CCDC138: variants seen among roughly 807,000 people sequenced by gnomAD.
CCDC138 encodes the protein coiled-coil domain containing 138.
Under a neutral mutation model 82.3 loss-of-function variants are expected in CCDC138, and 66 were observed. The observed-to-expected ratio is 0.80, with a 90% CI of 0.66 to 0.98. The LOEUF is 0.98. CCDC138 is among the 50% of genes least tolerant of loss of function. CCDC138 has a pLI of 0.00. For synonymous variants in CCDC138, 297 were observed against 265.4 expected, an observed-to-expected ratio of 1.12 and a Z score of -1.16; for missense variants, 816 against 758.9, an observed-to-expected ratio of 1.08 and a Z score of -0.88.
intron 10 of CCDC138, among the ~76,000 whole-genome samples, chr2:108,821,883 G>T (rs1312511736): frequency 1.4e-5 from 2 of 148,074 alleles, no homozygotes; most frequent in Non-Finnish European, 3.0e-5. Context: ...AGGTGAGATT[G>T]TGCCACTGCG....
At chr2:108,833,669 G>A (rs1290746189) in intron 10 of CCDC138, among the ~76,000 whole-genome samples, 2 of 150,832 alleles carry the variant, frequency 1.3e-5, no homozygotes, top group East Asian at 1.9e-4. Context: ...AATAAGAAAC[G>A]AAACAAATTT....
At chr2:108,797,182 A>G (rs1449057388) in intron 5 of CCDC138, among the ~76,000 whole-genome samples, 1 of 152,148 alleles carries the variant, frequency 6.6e-6, no homozygotes, top group Admixed American at 6.6e-5. Flanking sequence ...AATGAGAAGG[A>G]AAATTGCTCC....
intron 10 of CCDC138, among the ~76,000 whole-genome samples, chr2:108,824,920 T>C (rs997942584): frequency 6.6e-6 from 1 of 152,200 alleles, no homozygotes; most frequent in Non-Finnish European, 1.5e-5. Flanking sequence ...ACCGAAATGT[T>C]ATGCAGTGCG....
At chr2:108,793,538 A>G (rs1680299309) in intron 4 of CCDC138, among the ~76,000 whole-genome samples, 1 of 151,988 alleles carries the variant, frequency 6.6e-6, no homozygotes, top group South Asian at 2.1e-4. Context: ...CTGCACATAT[A>G]CCCTATGATC....
intron 1 of CCDC138, among the ~76,000 whole-genome samples, chr2:108,787,502 G>T (rs1270627265): frequency 6.6e-6 from 1 of 152,106 alleles, no homozygotes; most frequent in Non-Finnish European, 1.5e-5. Context: ...AATAACCACA[G>T]TAATATTTTC....
chr2:108,861,723 C>T (rs528375484), intron 13 of CCDC138, among the ~76,000 whole-genome samples: 13 of 152,198 alleles, frequency 8.5e-5, no homozygotes, highest in African/African-American at 2.9e-4. Context: ...TCCAGTGATC[C>T]GCCCACCTCT....
At chr2:108,880,630 T>C (rs964262275), downstream of CCDC138, among the ~76,000 whole-genome samples, 1 of 152,160 alleles carries the variant, frequency 6.6e-6, no homozygotes, top group African/African-American at 2.4e-5. Context: ...TTAAGAATTA[T>C]GCTAAATCTC....
intron 6 of CCDC138, among the ~76,000 whole-genome samples, chr2:108,804,376 T>G (rs1682488306): frequency 6.6e-6 from 1 of 152,202 alleles, no homozygotes; most frequent in Middle Eastern, 3.2e-3. Context: ...AATTTTATTA[T>G]GTATCTAACA....
rs990326286 is a variant in CCDC138, at chr2:108,794,488, T to A, written c.395-52T>A. On this transcript the variant is annotated intron_variant, in intron 4 of 14. Coordinates refer to ENST00000295124, the MANE Select transcript of CCDC138 (RefSeq NM_144978.3). Reference sequence around the variant, plus strand: ...TTCCTAAAGGTTACTCTGAGAATATTTGAAACAATAAGTTAATAAAGTTTA... The same window carrying A: ...TTCCTAAAGGTTACTCTGAGAATATATGAAACAATAAGTTAATAAAGTTTA... 3.3e-6 allele frequency: 5 copies of A among 1,499,218 alleles called. No homozygotes were observed. In the African/African-American group the frequency reaches 7.0e-5, roughly 21 times the overall value. The allele number at this position is 1,499,218 out of a possible 1,614,324, so 92.9% of individuals were successfully genotyped here. A position where few individuals can be genotyped will look rare whatever the true frequency, so the allele number is the denominator to read the frequency against.
chr2:108,808,096 A>G (rs1225925835), intron 7 of CCDC138, among the ~76,000 whole-genome samples: 1 of 152,196 alleles, frequency 6.6e-6, no homozygotes, highest in East Asian at 1.9e-4. Flanking sequence ...ATTTCACTTA[A>G]CATAAGTGTG....
At chr2:108,814,722 G>A (rs1175241594) in intron 9 of CCDC138, among the ~76,000 whole-genome samples, 1 of 148,486 alleles carries the variant, frequency 6.7e-6, no homozygotes, top group Non-Finnish European at 1.5e-5. Context: ...AGGCTGGAGT[G>A]CAGTGGTGCA....
intron 5 of CCDC138, among the ~76,000 whole-genome samples, chr2:108,795,876 A>G (rs79168135): frequency 0.011 from 1,607 of 152,324 alleles, 36 homozygotes; most frequent in African/African-American, 0.036. Context: ...AAGGAATGTC[A>G]GAGTAAAAAG....
intron 7 of CCDC138, among the ~76,000 whole-genome samples, chr2:108,806,863 G>C (rs1682959994): frequency 6.6e-6 from 1 of 152,174 alleles, no homozygotes; most frequent in Admixed American, 6.5e-5. Context: ...AAGGATTAAT[G>C]TTCAAGCTTC....
intron 7 of CCDC138, among the ~76,000 whole-genome samples, chr2:108,807,540 A>T (rs1683070677): frequency 6.6e-6 from 1 of 152,214 alleles, no homozygotes; most frequent in Admixed American, 6.5e-5. Flanking sequence ...ATGTGAAAAT[A>T]TACCATAAAT....
At chr2:108,873,730 A>T in intron 14 of CCDC138, 141 bp downstream of exon 14, 1 of 565,452 alleles carries the variant, frequency 1.8e-6, no homozygotes. Context: ...AAATACGCTA[A>T]CACTAACGAT....
chr2:108,854,738 C>A (rs1362447027), intron 12 of CCDC138, among the ~76,000 whole-genome samples: 1 of 152,104 alleles, frequency 6.6e-6, no homozygotes, highest in Non-Finnish European at 1.5e-5. Flanking sequence ...TCTTTCTTGG[C>A]CTCTCTCCAG....
chr2:108,859,050 T>C (rs190083487), intron 13 of CCDC138, among the ~76,000 whole-genome samples: 1 of 152,280 alleles, frequency 6.6e-6, no homozygotes, highest in Admixed American at 6.5e-5. Flanking sequence ...GTAATAGGAT[T>C]GCTGAATCGA....
At chr2:108,807,790 G>A (rs1021620040) in intron 7 of CCDC138, among the ~76,000 whole-genome samples, 7 of 152,038 alleles carry the variant, frequency 4.6e-5, no homozygotes, top group East Asian at 1.9e-4. Context: ...GCTAATTTTT[G>A]TATTTTTAGT....
rs141872439 is a variant in CCDC138, at chr2:108,813,121, C to T, written c.1041+194C>T. Among the ~76,000 whole-genome samples, 998 of 151,798 alleles carry T rather than the reference C, an allele frequency of 6.6e-3. 5 individuals carry two copies. Among genetic ancestry groups the T allele is most frequent in the South Asian group, 0.021 (102 of 4,796 alleles). On this transcript the variant is annotated intron_variant, in intron 9 of 14. Transcript: ENST00000295124. ...AAAATTAGCCAGGCATGGTGGCACACGCCTGTAGTCCCAGCTACTCGAGAG... is the reference window on the plus strand; with the variant it reads ...AAAATTAGCCAGGCATGGTGGCACATGCCTGTAGTCCCAGCTACTCGAGAG...
Sources: allele counts gnomAD v4.1 joint callset (sites outside exome capture counted in the v4.1 genomes callset), GRCh38; gene constraint gnomAD v4.1.1; transcripts MANE v1.5; gene names NCBI Gene and HGNC (gene_info 2026-07-23, HGNC 2026-07-21).